Variants in ADGRL2 observed in about 807,000 individuals in gnomAD.
ADGRL2 encodes the protein adhesion G protein-coupled receptor L2, also known as calcium-independent alpha-latrotoxin receptor 2.
Under a neutral mutation model 157.4 loss-of-function variants are expected in ADGRL2, and 44 were observed. The ratio of observed to expected loss-of-function variants is 0.28; its 90% confidence interval spans 0.22 to 0.36. The LOEUF (loss-of-function observed/expected upper bound fraction) is 0.36. Among genes scored for constraint, ADGRL2 ranks in the 10% least tolerant of loss-of-function variants. ADGRL2 has a pLI of 1.00. For synonymous variants in ADGRL2, 585 were observed against 624.7 expected, an observed-to-expected ratio of 0.94 and a Z score of 0.95; for missense variants, 1,510 against 1,768.9, an observed-to-expected ratio of 0.85 and a Z score of 2.63.
At chr1:81,920,106 T>A (rs1364504959) in intron 3 of ADGRL2, among the ~76,000 whole-genome samples, 1 of 152,154 alleles carries the variant, frequency 6.6e-6, no homozygotes, top group African/African-American at 2.4e-5. Flanking sequence ...GTCTAATTGC[T>A]CTAGAGTTTG....
At chr1:81,510,282 G>C (rs1009630648) in intron 2 of ADGRL2, among the ~76,000 whole-genome samples, 12 of 152,130 alleles carry the variant, frequency 7.9e-5, no homozygotes, top group African/African-American at 2.9e-4. Flanking sequence ...ATATCCTCTA[G>C]TTTAAAGCAA....
chr1:81,982,890 C>T (rs1287710053), intron 19 of ADGRL2, among the ~76,000 whole-genome samples: 1 of 151,932 alleles, frequency 6.6e-6, no homozygotes, highest in Non-Finnish European at 1.5e-5. Context: ...TTGCCATTGT[C>T]TTGGTTATAC....
At chr1:81,746,880 G>C (rs956339996) in intron 1 of ADGRL2, among the ~76,000 whole-genome samples, 1 of 148,338 alleles carries the variant, frequency 6.7e-6, no homozygotes, top group African/African-American at 2.5e-5. Flanking sequence ...ATATACACAC[G>C]TGCACACGTA....
chr1:81,359,677 A>G (rs1252334199), intron 1 of ADGRL2, among the ~76,000 whole-genome samples: 1 of 151,882 alleles, frequency 6.6e-6, no homozygotes, highest in Non-Finnish European at 1.5e-5. Flanking sequence ...CACACTTGTC[A>G]TCTCTACCTA....
At chr1:81,872,780 T>G (rs968743411) in intron 2 of ADGRL2, among the ~76,000 whole-genome samples, 10 of 152,148 alleles carry the variant, frequency 6.6e-5, no homozygotes, top group Non-Finnish European at 1.5e-4. Context: ...TTTTAAGGAC[T>G]AATACATAAA....
chr1:81,921,051 G>T (rs1005075957), intron 3 of ADGRL2, among the ~76,000 whole-genome samples: 2 of 152,096 alleles, frequency 1.3e-5, no homozygotes, highest in South Asian at 2.1e-4. Context: ...GTTTTGCCTT[G>T]CCTTGGCTAT....
intron 1 of ADGRL2, among the ~76,000 whole-genome samples, chr1:81,390,259 A>G (rs1010944191): frequency 3.3e-5 from 5 of 152,420 alleles, no homozygotes; most frequent in Admixed American, 1.3e-4. Flanking sequence ...TTTGAAACCC[A>G]CTGATTGGTT....
At chr1:81,750,736 AACAAAAAACAG>A (rs1225197155) in intron 1 of ADGRL2, among the ~76,000 whole-genome samples, 1 of 149,856 alleles carries the variant, frequency 6.7e-6, no homozygotes, top group East Asian at 1.9e-4. Context: ...AAAAACAAAA[AACAAAAAACAG>A]ACAGAGAAAC....
chr1:81,657,085 T>G (rs2082551199), intron 3 of ADGRL2, among the ~76,000 whole-genome samples: 1 of 151,786 alleles, frequency 6.6e-6, no homozygotes, highest in African/African-American at 2.4e-5. Flanking sequence ...GGCTCCAATA[T>G]GAGCCAGTAA....
chr1:81,364,308 A>T (rs533541675), intron 1 of ADGRL2, among the ~76,000 whole-genome samples: 2 of 152,194 alleles, frequency 1.3e-5, no homozygotes, highest in East Asian at 3.9e-4. Flanking sequence ...TTTCCTGTTC[A>T]AAGTACAGTT....
At chr1:81,341,311 T>C (rs1662052970) in intron 1 of ADGRL2, among the ~76,000 whole-genome samples, 3 of 152,154 alleles carry the variant, frequency 2.0e-5, no homozygotes, top group Admixed American at 2.0e-4. Context: ...GGAATAAATA[T>C]AGCAGCAAAG....
chr1:81,756,976 G>A (rs1404431828), intron 1 of ADGRL2, among the ~76,000 whole-genome samples: 1 of 152,116 alleles, frequency 6.6e-6, no homozygotes, highest in East Asian at 1.9e-4. Flanking sequence ...AAGTCATAGT[G>A]ACACTTTGGT....
At chr1:81,350,769 G>A (rs1927178) in intron 1 of ADGRL2, among the ~76,000 whole-genome samples, 114,653 of 152,058 alleles carry the variant, frequency 0.75, 43,983 homozygotes, top group African/African-American at 0.84. Context: ...ATTTGTTTAC[G>A]CATGCATTTG....
At chr1:81,616,071 G>C (rs2081640688) in intron 3 of ADGRL2, among the ~76,000 whole-genome samples, 1 of 117,102 alleles carries the variant, frequency 8.5e-6, no homozygotes, top group Non-Finnish European at 1.6e-5. Flanking sequence ...GGCCTGAAAC[G>C]GAGTCAGCCT....
At chr1:81,972,911 T>TAAAAA (rs11440202) in intron 17 of ADGRL2, among the ~76,000 whole-genome samples, 1 of 128,792 alleles carries the variant, frequency 7.8e-6, no homozygotes, top group Non-Finnish European at 1.7e-5. Flanking sequence ...GACCCTGTCT[T>TAAAAA]AAAAAAAAAA....
chr1:81,711,452 C>T (rs532097450), intron 1 of ADGRL2, among the ~76,000 whole-genome samples: 19 of 152,236 alleles, frequency 1.2e-4, no homozygotes, highest in African/African-American at 2.4e-5. Flanking sequence ...TGTGAAAGTG[C>T]TTTTTGCATG....
chr1:81,503,439 C>A, intron 2 of ADGRL2: 2 of 1,613,102 alleles, frequency 1.2e-6, no homozygotes, highest in East Asian at 2.2e-5. Context: ...GCACCCCCAG[C>A]GCAGAGCCCT....
intron 1 of ADGRL2, among the ~76,000 whole-genome samples, chr1:81,361,408 T>C (rs2075976526): frequency 6.6e-6 from 1 of 151,944 alleles, no homozygotes; most frequent in African/African-American, 2.4e-5. Context: ...TATGCTTTGT[T>C]TTTAGCACTT....
At chr1:81,660,124 C>T (rs181571344) in intron 3 of ADGRL2, among the ~76,000 whole-genome samples, 1 of 152,238 alleles carries the variant, frequency 6.6e-6, no homozygotes, top group East Asian at 1.9e-4. Flanking sequence ...AAGAATTAGG[C>T]TTTAAACTTT....
Sources: gnomAD v4.1 joint callset for allele counts (sites outside exome capture counted in the v4.1 genomes callset) on GRCh38, gnomAD v4.1.1 for gene constraint, MANE v1.5 for transcripts, NCBI Gene and HGNC (gene_info 2026-07-23, HGNC 2026-07-21) for gene names.